CPED1: variants seen among roughly 807,000 people sequenced by gnomAD.
CPED1 encodes cadherin-like and PC-esterase domain-containing protein 1.
Under a neutral mutation model 128.2 loss-of-function variants are expected in CPED1, and 114 were observed. The ratio of observed to expected loss-of-function variants is 0.89; its 90% CI spans 0.76 to 1.04. CPED1 has a LOEUF of 1.04. Ranked by LOEUF, CPED1 falls within the 50% of genes least tolerant of loss-of-function variation. CPED1 has a pLI of 0.00. For synonymous variants in CPED1, 462 were observed against 426.7 expected, an observed-to-expected ratio of 1.08 and a Z score of -1.02; for missense variants, 1,211 against 1,207.1, an observed-to-expected ratio of 1.00 and a Z score of -0.05.
chr7:121,187,228 T>TA (rs1284534521), intron 16 of CPED1, among the ~76,000 whole-genome samples: 5 of 152,118 alleles, frequency 3.3e-5, no homozygotes, highest in Non-Finnish European at 7.4e-5. Flanking sequence ...TGGACAATGG[T>TA]AAGGAGCCCA....
chr7:121,151,516 G>A (rs1796158027), intron 16 of CPED1, among the ~76,000 whole-genome samples: 1 of 152,202 alleles, frequency 6.6e-6, no homozygotes, highest in Non-Finnish European at 1.5e-5. Flanking sequence ...TTTTGGAATT[G>A]TGTGCTTTTT....
intron 16 of CPED1, among the ~76,000 whole-genome samples, chr7:121,149,298 A>T (rs1241663122): frequency 6.6e-6 from 1 of 152,134 alleles, no homozygotes; most frequent in Non-Finnish European, 1.5e-5. Context: ...AAGGCTTGGG[A>T]GGTTTTGTTT....
rs756847044 is a variant in CPED1, at chr7:121,015,707, A to T, written c.292A>T (p.Arg98Trp). ...GACACACTTTGGCAGCCATGGCCGAAGGGCCATACTCTACAGGCCTCCTTT... is the reference window on the plus strand; with the variant it reads ...GACACACTTTGGCAGCCATGGCCGATGGGCCATACTCTACAGGCCTCCTTT... Reference protein sequence around the residue: ...METHFGSHGRRAILYRPPFYS... With the variant: ...METHFGSHGRWAILYRPPFYS... The change falls in exon 3 of 23, where the codon AGG becomes TGG. Residue 98 changes from arginine (R) to tryptophan (W), a missense_variant. Coordinates refer to ENST00000310396, the MANE Select transcript of CPED1 (RefSeq NM_024913.5). 6.2e-7 allele frequency: 1 copy of T among 1,604,274 alleles called. No individual in the cohort carries two copies. The highest frequency in any genetic ancestry group is 1.1e-5 in the South Asian group (1 of 88,968).
At chr7:120,997,306 T>A (rs1273987224) in intron 2 of CPED1, among the ~76,000 whole-genome samples, 2 of 152,238 alleles carry the variant, frequency 1.3e-5, no homozygotes, top group Admixed American at 6.5e-5. Context: ...AAGTTCAACA[T>A]CTTTCTTTTT....
At chr7:121,193,153 C>T (rs1797184629) in intron 16 of CPED1, among the ~76,000 whole-genome samples, 1 of 152,088 alleles carries the variant, frequency 6.6e-6, no homozygotes, top group Admixed American at 6.6e-5. Flanking sequence ...TTTGGGGTTA[C>T]CCAGAAAAAC....
chr7:121,024,976 T>C (rs570302734), intron 3 of CPED1, among the ~76,000 whole-genome samples: 1 of 152,258 alleles, frequency 6.6e-6, no homozygotes, highest in South Asian at 2.1e-4. Flanking sequence ...TTTTTGACAT[T>C]TTTCTCAATT....
intron 5 of CPED1, among the ~76,000 whole-genome samples, 184 bp downstream of exon 5, chr7:121,064,497 C>G (rs1013118114): frequency 3.9e-5 from 6 of 152,122 alleles, no homozygotes; most frequent in Non-Finnish European, 2.9e-5. Context: ...GAATAACAAC[C>G]GTAACGTAAC....
chr7:121,207,275 TA>T (rs200116462), intron 16 of CPED1, among the ~76,000 whole-genome samples: 4 of 151,968 alleles, frequency 2.6e-5, no homozygotes, highest in Admixed American at 6.6e-5. Flanking sequence ...AAATGGAATT[TA>T]AAAAAAATTT....
chr7:121,079,693 A>G (rs1285523056), intron 5 of CPED1, among the ~76,000 whole-genome samples: 3 of 152,252 alleles, frequency 2.0e-5, no homozygotes, highest in African/African-American at 4.8e-5. Context: ...GTTGTGCAAA[A>G]GACTGACTGG....
intron 18 of CPED1, among the ~76,000 whole-genome samples, chr7:121,256,260 A>G (rs1562852858): frequency 6.6e-6 from 1 of 152,024 alleles, no homozygotes; most frequent in Non-Finnish European, 1.5e-5. Flanking sequence ...ACAGAATAGA[A>G]AACTCAGAGA....
intron 16 of CPED1, among the ~76,000 whole-genome samples, chr7:121,211,163 A>G (rs1188611487): frequency 6.6e-6 from 1 of 152,084 alleles, no homozygotes; most frequent in Non-Finnish European, 1.5e-5. Flanking sequence ...TTGAAACTTT[A>G]TGTAATACCA....
chr7:121,047,887 T>C (rs1221333773), intron 4 of CPED1, among the ~76,000 whole-genome samples: 1 of 151,928 alleles, frequency 6.6e-6, no homozygotes, highest in East Asian at 1.9e-4. Context: ...TTGCATTTTT[T>C]AGTGGAGATG....
At chr7:121,078,236 G>C (rs949095351) in intron 5 of CPED1, among the ~76,000 whole-genome samples, 2 of 151,906 alleles carry the variant, frequency 1.3e-5, no homozygotes, top group East Asian at 3.9e-4. Context: ...ATAGAGATGG[G>C]GTTTCATCAT....
At chr7:121,175,018 G>A (rs1796743734) in intron 16 of CPED1, among the ~76,000 whole-genome samples, 1 of 152,098 alleles carries the variant, frequency 6.6e-6, no homozygotes. Flanking sequence ...TTGGCCCTCA[G>A]TTTGGCTGTA....
intron 4 of CPED1, among the ~76,000 whole-genome samples, chr7:121,055,788 A>G (rs1272317378): frequency 6.6e-6 from 1 of 151,930 alleles, no homozygotes; most frequent in African/African-American, 2.4e-5. Context: ...TTTTATAGAG[A>G]TGTTTTGGAA....
intron 16 of CPED1, among the ~76,000 whole-genome samples, chr7:121,198,272 A>G (rs919766924): frequency 1.4e-4 from 22 of 152,166 alleles, no homozygotes; most frequent in Non-Finnish European, 5.9e-5. Context: ...AGGCTTTTTT[A>G]TTCAAATATA....
intron 16 of CPED1, among the ~76,000 whole-genome samples, chr7:121,177,819 G>A (rs924416807): frequency 3.3e-5 from 5 of 152,006 alleles, no homozygotes; most frequent in Non-Finnish European, 7.4e-5. Context: ...CATGCAGGAA[G>A]CATCTGCTGT....
intron 3 of CPED1, among the ~76,000 whole-genome samples, chr7:121,039,587 T>A (rs1043008791): frequency 1.3e-5 from 2 of 152,052 alleles, no homozygotes; most frequent in African/African-American, 4.8e-5. Flanking sequence ...AGAAATTTCG[T>A]AAAATGCAGT....
chr7:121,164,911 G>T (rs1477685187), intron 16 of CPED1, among the ~76,000 whole-genome samples: 2 of 152,028 alleles, frequency 1.3e-5, no homozygotes, highest in African/African-American at 2.4e-5. Flanking sequence ...GTCCTATATT[G>T]TTCACTCTGT....
Sources: gnomAD v4.1 joint callset for allele counts (sites outside exome capture counted in the v4.1 genomes callset) on GRCh38, gnomAD v4.1.1 for gene constraint, MANE v1.5 for transcripts, NCBI Gene and HGNC (gene_info 2026-07-23, HGNC 2026-07-21) for gene names.